NAA35: variants seen among roughly 807,000 people sequenced by gnomAD.
The protein encoded by NAA35 is N-alpha-acetyltransferase 35, NatC auxiliary subunit, also known as MAK10 homolog, amino-acid N-acetyltransferase subunit.
In NAA35, 18 loss-of-function variants were observed where a neutral mutation model predicts 101.7. The ratio of observed to expected loss-of-function variants is 0.18; its 90% CI spans 0.12 to 0.26. The LOEUF (loss-of-function observed/expected upper bound fraction) is 0.26. NAA35 is among the 10% of genes least tolerant of loss of function. NAA35 has a pLI of 1.00. For synonymous variants in NAA35, 267 were observed against 273.1 expected (o/e 0.98, Z 0.22); for missense variants, 601 against 886.8 (o/e 0.68, Z 4.09).
chr9:85,942,119 T>C, intron 1 of NAA35, 36 bp from the exon 2 acceptor site: 3 of 1,597,510 alleles, frequency 1.9e-6, no homozygotes, highest in Non-Finnish European at 2.6e-6. Context: ...CCCTGAAAGC[T>C]ACATCCTCTC....
At chr9:85,989,299 T>TG (rs1455183070) in intron 11 of NAA35, among the ~76,000 whole-genome samples, 1 of 151,912 alleles carries the variant, frequency 6.6e-6, no homozygotes, top group Non-Finnish European at 1.5e-5. Flanking sequence ...GGGGAAACCC[T>TG]GTCTGTAATA....
intron 4 of NAA35, among the ~76,000 whole-genome samples, chr9:85,959,019 G>A (rs1829393242): frequency 6.6e-6 from 1 of 152,092 alleles, no homozygotes; most frequent in African/African-American, 2.4e-5. Flanking sequence ...CTAGGCAAAT[G>A]GATATCGTAA....
Position 86,024,216 on chromosome 9 carries a change from T to G in NAA35, c.*2256T>G, listed in dbSNP as rs371887163. 6.6e-6 allele frequency among the ~76,000 whole-genome samples: 1 copy of G among 152,160 alleles called. No homozygotes were observed. The highest frequency in any genetic ancestry group is 2.4e-5 in the African/African-American group (1 of 41,438). Reference sequence around the variant, plus strand: ...AGGAGAACTGCCCCACGTGAAACTTTAGGTGACAAATCCCCATCGCATCTA... The same window carrying G: ...AGGAGAACTGCCCCACGTGAAACTTGAGGTGACAAATCCCCATCGCATCTA... On this transcript the variant is annotated 3_prime_UTR_variant, in exon 23 of 23. Coordinates refer to ENST00000361671, the MANE Select transcript of NAA35 (RefSeq NM_024635.4).
intron 11 of NAA35, among the ~76,000 whole-genome samples, chr9:85,995,311 T>C (rs1345033717): frequency 1.3e-5 from 2 of 150,136 alleles, no homozygotes; most frequent in Admixed American, 1.3e-4. Flanking sequence ...AATTATTTTA[T>C]TTTATTTATT....
intron 6 of NAA35, among the ~76,000 whole-genome samples, chr9:85,962,503 A>AAAAAG (rs1554770459): frequency 1.3e-5 from 2 of 151,484 alleles, no homozygotes; most frequent in African/African-American, 4.8e-5. Flanking sequence ...AAAAAAAAAA[A>AAAAAG]AAAAAAGAAA....
intron 6 of NAA35, among the ~76,000 whole-genome samples, 165 bp from the exon 7 acceptor site, chr9:85,974,802 G>T (rs188784181): frequency 8.5e-5 from 13 of 152,250 alleles, no homozygotes; most frequent in African/African-American, 3.1e-4. Context: ...TTCAAGAAAA[G>T]CTTGTGTGTA....
chr9:85,961,975 T>TTC (rs1829533889), intron 5 of NAA35, 38 bp from the exon 6 acceptor site: 1 of 1,536,052 alleles, frequency 6.5e-7, no homozygotes, highest in African/African-American at 1.4e-5. Context: ...CAGACTCAGT[T>TTC]TATCACCTTA....
intron 2 of NAA35, among the ~76,000 whole-genome samples, chr9:85,954,205 C>T (rs1294217507): frequency 6.6e-6 from 1 of 152,066 alleles, no homozygotes. Flanking sequence ...CTCAGCCTCC[C>T]CAGTAGCTAG....
intron 6 of NAA35, among the ~76,000 whole-genome samples, chr9:85,971,668 T>A (rs1830005151): frequency 6.6e-6 from 1 of 152,098 alleles, no homozygotes; most frequent in South Asian, 2.1e-4. Context: ...TATACTTCAT[T>A]TCTGCCCTTA....
intron 11 of NAA35, among the ~76,000 whole-genome samples, chr9:85,981,759 C>A (rs889689141): frequency 1.3e-5 from 2 of 152,164 alleles, no homozygotes; most frequent in African/African-American, 4.8e-5. Context: ...ATTTAACGTT[C>A]TAATTATCCC....
chr9:85,992,105 C>A (rs1293734742), intron 11 of NAA35, among the ~76,000 whole-genome samples: 2 of 150,132 alleles, frequency 1.3e-5, no homozygotes, highest in African/African-American at 4.9e-5. Context: ...ACCCAGGACG[C>A]AGAGCTTGCA....
At chr9:85,986,858 T>G (rs1258956749) in intron 11 of NAA35, 3 of 199,224 alleles carry the variant, frequency 1.5e-5, no homozygotes, top group African/African-American at 7.2e-5. Context: ...TCCAAAGTGC[T>G]GGGATTACAG....
chr9:85,964,128 CTTT>C lies in NAA35; in HGVS notation c.516+1964_516+1966del, dbSNP rs61142742. Among the ~76,000 whole-genome samples the C allele has an allele frequency of 6.6e-3, 816 of 123,938 alleles. 6 individuals carry two copies. Among genetic ancestry groups the C allele is most frequent in the African/African-American group, 0.019 (695 of 36,232 alleles). 81.3% of individuals were successfully genotyped at this position (123,938 alleles called of 152,430 possible). ...CAGTCATTATTTCCCACTTCTTAGT[CTTT>C]TTTTTTTTTTTTTTTAGAACTTCTT... On this transcript the variant is annotated intron_variant, in intron 6 of 22. Transcript: ENST00000361671.
At chr9:86,017,869 G>A (rs1018529633) in intron 19 of NAA35, among the ~76,000 whole-genome samples, 9 of 152,186 alleles carry the variant, frequency 5.9e-5, no homozygotes, top group Non-Finnish European at 1.3e-4. Flanking sequence ...AAGGAAGAGA[G>A]TACTTCTGAT....
At chr9:85,978,218 C>A in intron 10 of NAA35, 49 bp from the exon 11 acceptor site, 1 of 1,098,676 alleles carries the variant, frequency 9.1e-7, no homozygotes, top group Non-Finnish European at 1.4e-6. Flanking sequence ...TAATGTATAT[C>A]TTTCAGTGAA....
intron 12 of NAA35, among the ~76,000 whole-genome samples, chr9:85,998,623 A>G (rs954095598): frequency 5.9e-5 from 9 of 152,124 alleles, no homozygotes; most frequent in African/African-American, 2.2e-4. Context: ...TCAGAGATGG[A>G]GCTTTTTTTT....
At chr9:86,014,891 A>G (rs1261834563) in intron 17 of NAA35, among the ~76,000 whole-genome samples, 1 of 152,158 alleles carries the variant, frequency 6.6e-6, no homozygotes, top group African/African-American at 2.4e-5. Context: ...GCTACTTTGG[A>G]TACTACATTT....
chr9:85,956,137 T>C (rs1212635080), intron 2 of NAA35, among the ~76,000 whole-genome samples: 1 of 152,170 alleles, frequency 6.6e-6, no homozygotes, highest in Non-Finnish European at 1.5e-5. Context: ...AAAAGTATTA[T>C]TTTTTTCCTA....
intron 11 of NAA35, among the ~76,000 whole-genome samples, chr9:85,990,235 G>T (rs1364164606): frequency 1.3e-5 from 2 of 152,220 alleles, no homozygotes; most frequent in Non-Finnish European, 2.9e-5. Context: ...GTACCTGTGA[G>T]AACTAATCCA....
Sources: gnomAD v4.1 joint callset for allele counts (sites outside exome capture counted in the v4.1 genomes callset) on GRCh38, gnomAD v4.1.1 for gene constraint, MANE v1.5 for transcripts, NCBI Gene and HGNC (gene_info 2026-07-23, HGNC 2026-07-21) for gene names.